Variants in SRGAP3 observed in about 807,000 individuals in gnomAD.
The protein encoded by SRGAP3 is SLIT-ROBO Rho GTPase-activating protein 3.
Under a neutral mutation model 121.1 loss-of-function variants are expected in SRGAP3, and 39 were observed. That is an observed-to-expected ratio of 0.32 (90% confidence interval 0.25 to 0.42). SRGAP3 has a LOEUF of 0.42. SRGAP3 is among the 10% of genes least tolerant of loss of function. The pLI is 1.00. For missense variants in SRGAP3, 1,213 were observed against 1,470.6 expected (o/e 0.82, Z 2.86); for synonymous variants, 601 against 570.0 (o/e 1.05, Z -0.77).
At chr3:9,210,571 T>G (rs1216750656) in intron 1 of SRGAP3, among the ~76,000 whole-genome samples, 1 of 152,124 alleles carries the variant, frequency 6.6e-6, no homozygotes, top group Non-Finnish European at 1.5e-5. Context: ...ACACCTATAA[T>G]CCCAGCACTT....
intron 1 of SRGAP3, among the ~76,000 whole-genome samples, chr3:9,211,328 G>C (rs1952439046): frequency 6.6e-6 from 1 of 152,070 alleles, no homozygotes; most frequent in African/African-American, 2.4e-5. Context: ...CTCCACCGCA[G>C]CCTGGAAAAA....
intron 1 of SRGAP3, among the ~76,000 whole-genome samples, chr3:9,140,654 T>C (rs550224401): frequency 2.0e-5 from 3 of 152,334 alleles, no homozygotes; most frequent in East Asian, 1.9e-4. Context: ...AGAGTAGTCA[T>C]AGAATACATA....
chr3:9,327,612 C>A (rs1475440722), intron 2 of SRGAP3, among the ~76,000 whole-genome samples: 1 of 152,130 alleles, frequency 6.6e-6, no homozygotes, highest in Non-Finnish European at 1.5e-5. Flanking sequence ...AGCCTAGGAC[C>A]CAGACAGAAA....
chr3:9,238,797 G>A (rs568362177), intron 1 of SRGAP3, among the ~76,000 whole-genome samples: 1 of 152,280 alleles, frequency 6.6e-6, no homozygotes, highest in South Asian at 2.1e-4. Context: ...TCATGGCCCA[G>A]TGTGGTGTGT....
At chr3:9,133,198 G>C (rs1238677005) in intron 1 of SRGAP3, among the ~76,000 whole-genome samples, 1 of 151,684 alleles carries the variant, frequency 6.6e-6, no homozygotes, top group African/African-American at 2.4e-5. Flanking sequence ...ATACATCCTG[G>C]AGGCCGGGCA....
chr3:9,122,875 C>G (rs1373721296), intron 2 of SRGAP3, among the ~76,000 whole-genome samples: 1 of 152,264 alleles, frequency 6.6e-6, no homozygotes, highest in East Asian at 1.9e-4. Flanking sequence ...AGTTTAAAGG[C>G]AGAGAGCTCC....
rs566968908 is a variant in SRGAP3 at position 9,164,896 on chromosome 3, T to C, written c.68-39979A>G. Among the ~76,000 whole-genome samples the C allele has an allele frequency of 8.8e-4, 134 of 152,330 alleles. 1 individual carries two copies. The highest frequency in any genetic ancestry group is 3.4e-3 in the Middle Eastern group (1 of 294). ...AGAAAACAGGTAAAGTCATGCTTGGTAAATAAGCCAGTAGGAAGGTTCCTG... is the reference window on the plus strand; with the variant it reads ...AGAAAACAGGTAAAGTCATGCTTGGCAAATAAGCCAGTAGGAAGGTTCCTG... On this transcript the variant is annotated intron_variant, in intron 1 of 21. Coordinates refer to ENST00000383836, the MANE Select transcript of SRGAP3 (RefSeq NM_014850.4).
chr3:9,315,942 T>G (rs1955337222), intron 3 of SRGAP3, among the ~76,000 whole-genome samples: 1 of 152,264 alleles, frequency 6.6e-6, no homozygotes, highest in South Asian at 2.1e-4. Context: ...CTGCAAAGGC[T>G]GAATTCCTCT....
intron 2 of SRGAP3, among the ~76,000 whole-genome samples, chr3:9,327,114 GT>G (rs1395472978): frequency 9.9e-5 from 15 of 151,804 alleles, no homozygotes; most frequent in African/African-American, 3.6e-4. Context: ...GTTAAAGCTA[GT>G]TTTTAATAAC....
At chr3:9,156,777 G>C (rs927791435) in intron 1 of SRGAP3, among the ~76,000 whole-genome samples, 1 of 152,156 alleles carries the variant, frequency 6.6e-6, no homozygotes, top group South Asian at 2.1e-4. Flanking sequence ...ATCTAGTAAC[G>C]TATTTCCCAA....
chr3:9,024,080 C>A (rs972328129), intron 14 of SRGAP3, among the ~76,000 whole-genome samples: 1 of 152,114 alleles, frequency 6.6e-6, no homozygotes, highest in African/African-American at 2.4e-5. Context: ...AGGAAGAATT[C>A]TATGGGTGGA....
chr3:9,342,991 C>T (rs1382458035), intron 1 of SRGAP3, among the ~76,000 whole-genome samples: 1 of 152,260 alleles, frequency 6.6e-6, no homozygotes, highest in Non-Finnish European at 1.5e-5. Context: ...TCCGGGCCCA[C>T]CATGCCTCTT....
intron 3 of SRGAP3, among the ~76,000 whole-genome samples, chr3:9,314,759 G>C (rs17050227): frequency 6.6e-6 from 1 of 151,188 alleles, no homozygotes. Flanking sequence ...GACTTGACCC[G>C]GGAAAGTAAG....
At chr3:8,986,058 G>C in intron 21 of SRGAP3, 126 bp from the exon 22 acceptor site, 1 of 1,538,054 alleles carries the variant, frequency 6.5e-7, no homozygotes. Flanking sequence ...TGGAGATTAA[G>C]TCCTCAGGAT....
intron 3 of SRGAP3, among the ~76,000 whole-genome samples, chr3:9,260,875 C>T (rs531461946): frequency 1.5e-4 from 23 of 152,318 alleles, no homozygotes; most frequent in African/African-American, 4.8e-4. Flanking sequence ...CATCCTCAAG[C>T]GGATCCCTGA....
intron 1 of SRGAP3, among the ~76,000 whole-genome samples, chr3:9,237,503 C>T (rs1464408495): frequency 6.6e-6 from 1 of 152,212 alleles, no homozygotes; most frequent in African/African-American, 2.4e-5. Context: ...GAATTCAGGT[C>T]AGCTGATCCA....
rs746430770 is a variant in SRGAP3 at position 9,124,925 on chromosome 3, C to G, written c.68-8G>C. 1.2e-6 allele frequency: 2 copies of G among 1,613,954 alleles called. No homozygotes were observed. Among genetic ancestry groups the G allele is most frequent in the Non-Finnish European group, 1.7e-6 (2 of 1,180,030 alleles). ...CCAGCTGCGTGCGGATCTCTGCGGG[C>G]ACACAAGGGTAGGAGCATGAGACTG... On this transcript the variant is annotated splice_polypyrimidine_tract_variant and splice_region_variant and intron_variant, in intron 1 of 21. Transcript: ENST00000383836.
At chr3:9,082,745 C>T (rs952733198) in intron 3 of SRGAP3, among the ~76,000 whole-genome samples, 1 of 152,208 alleles carries the variant, frequency 6.6e-6, no homozygotes, top group Non-Finnish European at 1.5e-5. Flanking sequence ...TCCTCTCACC[C>T]TTGCAGAGGT....
intron 3 of SRGAP3, among the ~76,000 whole-genome samples, chr3:9,084,377 T>C (rs1947369858): frequency 6.6e-6 from 1 of 152,162 alleles, no homozygotes; most frequent in African/African-American, 2.4e-5. Flanking sequence ...AGAGAAAGAC[T>C]TCTGTGGTCA....
Sources: allele counts gnomAD v4.1 joint callset (sites outside exome capture counted in the v4.1 genomes callset), GRCh38; gene constraint gnomAD v4.1.1; transcripts MANE v1.5; gene names NCBI Gene and HGNC (gene_info 2026-07-23, HGNC 2026-07-21).